Variants in DNAAF2 observed in about 807,000 individuals in gnomAD.
DNAAF2 encodes the protein dynein axonemal assembly factor 2.
In DNAAF2, 58 loss-of-function variants were observed where a neutral mutation model predicts 48.8. That is an observed-to-expected ratio of 1.19 (90% CI 0.96 to 1.48). DNAAF2 has a LOEUF of 1.48. Ranked by LOEUF, DNAAF2 falls within the 40% of genes most tolerant of loss-of-function variation. The pLI is 0.00. For synonymous variants in DNAAF2, 567 were observed against 481.2 expected (o/e 1.18, Z -2.33); for missense variants, 1,241 against 1,116.1 (o/e 1.11, Z -1.59).
chr14:49,628,451 G>A (rs912662026), intron 1 of DNAAF2, among the ~76,000 whole-genome samples: 4 of 151,768 alleles, frequency 2.6e-5, no homozygotes, highest in African/African-American at 9.7e-5. Flanking sequence ...TTCTTTTTTT[G>A]TTTCTTTTGT....
At chr14:49,632,554 T>C (rs1026828577) in intron 1 of DNAAF2, among the ~76,000 whole-genome samples, 1 of 151,966 alleles carries the variant, frequency 6.6e-6, no homozygotes, top group South Asian at 2.1e-4. Context: ...CAAGTGATTC[T>C]CCTGCCTCAG....
chr14:49,625,651 T>C lies in DNAAF2; in HGVS notation c.2405A>G (p.Asp802Gly). 2 of 1,613,782 alleles carry C rather than the reference T, an allele frequency of 1.2e-6. No homozygotes were observed. Among genetic ancestry groups the C allele is most frequent in the Non-Finnish European group, 1.7e-6 (2 of 1,179,766 alleles). The part of the protein sequence containing the change: ...KTTVHNIPGF[D>G]SIKETNMQDG... ...CTGCATATTGGTTTCTTTTATGCTGTCGAATCCAGGTATATTGTGAACCGT... is the reference window on the plus strand; with the variant it reads ...CTGCATATTGGTTTCTTTTATGCTGCCGAATCCAGGTATATTGTGAACCGT... The change falls in exon 3 of 3, where the codon GAC (aspartate) becomes GGC (glycine). Residue 802 changes from aspartate to glycine, a missense_variant. By Grantham distance (94) the Asp-to-Gly change is moderately conservative. Coordinates refer to ENST00000298292, the MANE Select transcript of DNAAF2 (RefSeq NM_018139.3).
chr14:49,633,214 C>T (rs1883210183), intron 1 of DNAAF2, 73 bp downstream of exon 1: 1 of 1,560,112 alleles, frequency 6.4e-7, no homozygotes, highest in African/African-American at 1.4e-5. Context: ...GCCACCGCGC[C>T]CGGCCGGTAA....
intron 1 of DNAAF2, among the ~76,000 whole-genome samples, chr14:49,630,715 C>CACACACACACACAAACTCTCT (rs1883134482): frequency 1.9e-5 from 1 of 51,746 alleles, no homozygotes; most frequent in Admixed American, 1.7e-4. Flanking sequence ...ACTCTCTACA[C>CACACACACACACAAACTCTCT]ACACACACAC....
rs1380169223 is a variant in DNAAF2 at position 49,633,883 on chromosome 14, G to A, written c.1267C>T (p.Pro423Ser). The change falls in exon 1 of 3, where the codon CCG becomes TCG. Residue 423 changes from proline (P) to serine (S), a missense_variant. Transcript: ENST00000298292. ...CGCTCCTCTCCAGCTGCGGCCGGCG[G>A]AGGCGCCACCTCCGGGTCGCCCAGG... ...TTLGDPEVAP[P>S]PAAAGEERVP... is the part of the protein sequence containing the mutation. The A allele has an allele frequency of 1.3e-6, 2 of 1,536,388 alleles. No individual in the cohort carries two copies. Among genetic ancestry groups the A allele is most frequent in the Non-Finnish European group, 1.7e-6 (2 of 1,147,554 alleles).
At position 49,633,301 on chromosome 14, in the gene DNAAF2, T is replaced by C; in HGVS notation, c.1849A>G (p.Asn617Asp). Reference sequence around the variant, plus strand: ...AGAACTGTTACCTCCAAAGAATCGTTGTTTACACCATAATACCACTCTCTC... The same window carrying C: ...AGAACTGTTACCTCCAAAGAATCGTCGTTTACACCATAATACCACTCTCTC... ...HWREWYYGVN[N>D]DSLEERLFVN... The change falls in exon 1 of 3, where the codon AAC (asparagine) becomes GAC (aspartate). Residue 617 changes from asparagine (N) to aspartate (D), a missense_variant. By Grantham distance (23) the Asn-to-Asp change is conservative. Coordinates refer to ENST00000298292, the MANE Select transcript of DNAAF2 (RefSeq NM_018139.3). 1 of 1,613,356 alleles carries C rather than the reference T, an allele frequency of 6.2e-7. No individual in the cohort carries two copies. The highest frequency in any genetic ancestry group is 8.5e-7 in the Non-Finnish European group (1 of 1,179,370).
In DNAAF2 at chr14:49,633,895, C is replaced by T; in HGVS notation, c.1255G>A (p.Glu419Lys). The change falls in exon 1 of 3, where the codon GAG becomes AAG. Residue 419 changes from glutamate (E) to lysine (K), a missense_variant. Transcript: ENST00000298292. ...GCTGCGGCCGGCGGAGGCGCCACCT[C>T]CGGGTCGCCCAGGGTGGTGACCCCG... ...GSGVTTLGDP[E>K]VAPPPAAAGE... The T allele has an allele frequency of 1.3e-6, 2 of 1,534,622 alleles. No homozygotes were observed. The highest frequency in any genetic ancestry group is 1.7e-6 in the Non-Finnish European group (2 of 1,146,716).
Position 49,634,498 on chromosome 14 carries a change from T to G in DNAAF2, c.652A>C (p.Lys218Gln). 6.3e-7 allele frequency: 1 copy of G among 1,594,600 alleles called. No individual in the cohort carries two copies. The highest frequency in any genetic ancestry group is 8.5e-7 in the Non-Finnish European group (1 of 1,176,582). Residue 218 changes from lysine (K) to glutamine (Q), a missense_variant, in exon 1 of 3, where the codon AAG becomes CAG. Coordinates refer to ENST00000298292, the MANE Select transcript of DNAAF2 (RefSeq NM_018139.3). ...TAGGGGAAGTCCGGGAGAGGACCCTTCGGCTCCCCGTCAGGCCTTGCGGGG... is the reference window on the plus strand; with the variant it reads ...TAGGGGAAGTCCGGGAGAGGACCCTGCGGCTCCCCGTCAGGCCTTGCGGGG... ...VIPARPDGEP[K>Q]GPLPDFPYPY...
In DNAAF2 at chr14:49,634,136, GGCCTTGTTGAATTGT is replaced by G; in HGVS notation, c.999_1013del (p.Gln334_Ala338del). The G allele has an allele frequency of 6.4e-7, 1 of 1,572,834 alleles. No individual in the cohort carries two copies. Among genetic ancestry groups the G allele is most frequent in the Non-Finnish European group, 8.6e-7 (1 of 1,160,384 alleles). On this transcript the variant is annotated inframe_deletion, in exon 1 of 3. Transcript: ENST00000298292. Reference sequence around the variant, plus strand: ...GCAGCGTAACCACCAGCTGCCGCCGGGCCTTGTTGAATTGTGCCTTGCCGCGGCCATCGTCCACTG... The same window carrying G: ...GCAGCGTAACCACCAGCTGCCGCCGGGCCTTGCCGCGGCCATCGTCCACTG...
rs190354993 is a variant in DNAAF2 at position 49,633,821 on chromosome 14, G to C, written c.1329C>G (p.His443Gln). The C allele has an allele frequency of 2.6e-5, 41 of 1,583,418 alleles. No homozygotes were observed. Among genetic ancestry groups the C allele is most frequent in the Non-Finnish European group, 3.4e-5 (40 of 1,172,506 alleles). ...PKPGEQDLSR[H>Q]AGSPPGSVEE... ...CCACGCTGCCCGGCGGTGACCCCGC[G>C]TGCCTGCTCAAGTCCTGCTCCCCCG... Residue 443 changes from histidine (H) to glutamine (Q), a missense_variant, in exon 1 of 3, where the codon CAC (histidine) becomes CAG (glutamine). By Grantham distance (24) the His-to-Gln change is conservative (BLOSUM62 0). Coordinates refer to ENST00000298292, the MANE Select transcript of DNAAF2 (RefSeq NM_018139.3).
chr14:49,632,447 CT>C (rs3029726), intron 1 of DNAAF2, among the ~76,000 whole-genome samples: 7,764 of 147,024 alleles, frequency 0.053, 577 homozygotes, highest in African/African-American at 0.17. Context: ...CTTAATTTTT[CT>C]TTTTTTTTTT....
rs752488141 is a variant in DNAAF2, at chr14:49,626,027, CAG to C, written c.2027_2028del (p.Ser676Ter). 7.2e-6 allele frequency: 11 copies of C among 1,529,426 alleles called. No individual in the cohort carries two copies. In the Admixed American group the frequency reaches 1.6e-4, roughly 22 times the overall value. The allele number at this position is 1,529,426 out of a possible 1,614,324, so 94.7% of individuals were successfully genotyped here. ...INAKLQECSN[S>X]DQLQGKEERV... ...CTTTCCTCCTTTCCTTGTAGCTGATCAGAGTTACTACATTCTTGCAACTGTGT... is the reference window on the plus strand; with the variant it reads ...CTTTCCTCCTTTCCTTGTAGCTGATCAGTTACTACATTCTTGCAACTGTGT... On this transcript the variant is annotated frameshift_variant, in exon 3 of 3. Coordinates refer to ENST00000298292, the MANE Select transcript of DNAAF2 (RefSeq NM_018139.3). LOFTEE classifies it low-confidence loss of function (END_TRUNC).
chr14:49,635,119 C>T lies in DNAAF2; in HGVS notation c.31G>A (p.Glu11Lys). The change falls in exon 1 of 3, where the codon GAG becomes AAG. Residue 11 changes from glutamate (E) to lysine (K), a missense_variant. By Grantham distance (56) the Glu-to-Lys change is moderately conservative (BLOSUM62 1). Transcript: ENST00000298292. MAKAAASSSLEDLDLSGEEVQ... is the reference protein window; with the variant it reads MAKAAASSSLKDLDLSGEEVQ... ...TCCTCTCCGCTCAGGTCCAAGTCCT[C>T]CAGCGACGAGGAGGCCGCCGCTTTG... is the stretch of plus-strand genomic sequence containing the variant. 1 of 1,569,360 alleles carries T rather than the reference C, an allele frequency of 6.4e-7. No homozygotes were observed.
chr14:49,630,741 A>C (rs567547177), intron 1 of DNAAF2, among the ~76,000 whole-genome samples: 1 of 23,826 alleles, frequency 4.2e-5, no homozygotes, highest in African/African-American at 8.4e-5. Context: ...CAAACTCTCT[A>C]CACACACACA....
chr14:49,631,237 G>C (rs1883155335), intron 1 of DNAAF2, among the ~76,000 whole-genome samples: 1 of 152,300 alleles, frequency 6.6e-6, no homozygotes, highest in Middle Eastern at 3.4e-3. Flanking sequence ...TCTGGGAAAA[G>C]ACATCATCTT....
At chr14:49,630,056 A>G (rs971132889) in intron 1 of DNAAF2, among the ~76,000 whole-genome samples, 3 of 151,820 alleles carry the variant, frequency 2.0e-5, no homozygotes, top group African/African-American at 7.3e-5. Context: ...ACATGGCAAA[A>G]CTCATCTCTA....
chr14:49,630,334 C>A (rs1231809887), intron 1 of DNAAF2, among the ~76,000 whole-genome samples: 1 of 152,040 alleles, frequency 6.6e-6, no homozygotes, highest in Non-Finnish European at 1.5e-5. Flanking sequence ...TCACCTTTTA[C>A]CTGAATCCCA....
chr14:49,627,307 T>C (rs868183156), intron 2 of DNAAF2, among the ~76,000 whole-genome samples: 1 of 152,182 alleles, frequency 6.6e-6, no homozygotes, highest in Non-Finnish European at 1.5e-5. Context: ...ATTGTGGTAG[T>C]TACTAAATCA....
At position 49,625,616 on chromosome 14, in the gene DNAAF2, C is replaced by A. The variant is rs749029870; in HGVS notation, c.2440G>T (p.Val814Leu). Residue 814 changes from valine to leucine, a missense_variant, in exon 3 of 3, where the codon GTG becomes TTG. Transcript: ENST00000298292. ...GTCACATGATCTTTAATGACCTGCA[C>A]ACTACCATCCTGCATATTGGTTTCT... ...IKETNMQDGSVQVIKDHVTNC... is the reference protein window; with the variant it reads ...IKETNMQDGSLQVIKDHVTNC... The A allele has an allele frequency of 8.7e-6, 14 of 1,613,306 alleles. No individual in the cohort carries two copies. The African/African-American group carries it at 1.6e-4, about 18-fold the overall frequency.
Sources: allele counts gnomAD v4.1 joint callset (sites outside exome capture counted in the v4.1 genomes callset), GRCh38; gene constraint gnomAD v4.1.1; transcripts MANE v1.5; gene names NCBI Gene and HGNC (gene_info 2026-07-23, HGNC 2026-07-21).